METTL15: variants seen among roughly 807,000 people sequenced by gnomAD.
METTL15 encodes 12S rRNA N(4)-cytidine methyltransferase METTL15.
A neutral mutation model predicts 38.3 loss-of-function variants in METTL15; 34 were observed. The observed-to-expected ratio is 0.89, with a 90% CI of 0.68 to 1.18. The LOEUF (loss-of-function observed/expected upper bound fraction) is 1.18, where lower values mean the gene tolerates loss of function less well. Ranked by LOEUF, METTL15 falls within the 50% of genes most tolerant of loss-of-function variation. The probability of loss-of-function intolerance (pLI) is 0.00; values close to 1 mark genes in which losing one functional copy is unlikely to be tolerated. For missense variants in METTL15, 438 were observed against 498.4 expected (o/e 0.88, Z 1.15); for synonymous variants, 162 against 170.9 (o/e 0.95, Z 0.41).
chr11:28,515,331 T>G (rs1425349031), intron 6 of METTL15, among the ~76,000 whole-genome samples: 1 of 152,198 alleles, frequency 6.6e-6, no homozygotes, highest in East Asian at 1.9e-4. Flanking sequence ...GCTAACTTAC[T>G]TAACAAATAA....
At chr11:28,208,549 A>G (rs967207949) in intron 3 of METTL15, among the ~76,000 whole-genome samples, 1 of 152,044 alleles carries the variant, frequency 6.6e-6, no homozygotes, top group Admixed American at 6.6e-5. Flanking sequence ...CAATTTTGGA[A>G]TAGGTGTGGT....
intron 5 of METTL15, among the ~76,000 whole-genome samples, chr11:28,380,168 C>CTTTT (rs34704753): frequency 4.8e-5 from 6 of 124,084 alleles, no homozygotes; most frequent in Admixed American, 9.0e-5. Context: ...CCACTTTATG[C>CTTTT]TTTTTTTTTT....
intron 3 of METTL15, among the ~76,000 whole-genome samples, chr11:28,201,517 T>G (rs1565161195): frequency 6.6e-6 from 1 of 151,678 alleles, no homozygotes; most frequent in Non-Finnish European, 1.5e-5. Context: ...GTCCTGGGCT[T>G]CTTTTGGTTG....
intron 5 of METTL15, among the ~76,000 whole-genome samples, chr11:28,407,276 CA>C (rs1463478485): frequency 1.3e-5 from 2 of 152,122 alleles, no homozygotes; most frequent in Non-Finnish European, 2.9e-5. Context: ...ATGAAAACGT[CA>C]AAAGTATTTG....
chr11:28,314,269 T>A (rs1857404360), intron 6 of METTL15, among the ~76,000 whole-genome samples: 1 of 152,228 alleles, frequency 6.6e-6, no homozygotes, highest in Non-Finnish European at 1.5e-5. Flanking sequence ...GAAGAACATT[T>A]GTAATACAGT....
At chr11:28,369,573 A>AGG (rs1850222712) in intron 5 of METTL15, among the ~76,000 whole-genome samples, 1 of 152,160 alleles carries the variant, frequency 6.6e-6, no homozygotes, top group Non-Finnish European at 1.5e-5. Context: ...GTCATATACA[A>AGG]GGATACTCCA....
chr11:28,361,121 C>T (rs544993872), intron 4 of METTL15, among the ~76,000 whole-genome samples: 41 of 151,096 alleles, frequency 2.7e-4, no homozygotes, highest in Non-Finnish European at 4.9e-4. Flanking sequence ...AATAAACATA[C>T]GTGTGCATGT....
intron 5 of METTL15, among the ~76,000 whole-genome samples, chr11:28,377,429 C>G (rs1445958488): frequency 2.6e-5 from 4 of 152,088 alleles, no homozygotes; most frequent in Non-Finnish European, 5.9e-5. Flanking sequence ...TTGCTGATAC[C>G]CTTTCTTCCA....
intron 6 of METTL15, among the ~76,000 whole-genome samples, chr11:28,467,141 C>T (rs1281206055): frequency 2.6e-5 from 4 of 152,060 alleles, no homozygotes; most frequent in African/African-American, 7.2e-5. Context: ...GGCATCTCAT[C>T]GAGGAGGCAC....
intron 6 of METTL15, among the ~76,000 whole-genome samples, chr11:28,482,972 C>T (rs570500486): frequency 2.6e-5 from 4 of 152,162 alleles, no homozygotes; most frequent in East Asian, 3.9e-4. Flanking sequence ...GGACACAATC[C>T]GGATCAGCCT....
chr11:28,118,609 T>A (rs1852074829), intron 3 of METTL15, among the ~76,000 whole-genome samples: 1 of 152,158 alleles, frequency 6.6e-6, no homozygotes, highest in African/African-American at 2.4e-5. Context: ...AAATTCTGCT[T>A]AGTTTAAGAT....
At chr11:28,308,390 C>T (rs953814848) in intron 6 of METTL15, among the ~76,000 whole-genome samples, 1 of 152,000 alleles carries the variant, frequency 6.6e-6, no homozygotes, top group African/African-American at 2.4e-5. Context: ...CTTGTATTTC[C>T]CACGTCTTTC....
At chr11:28,122,135 C>T (rs1852267599) in intron 3 of METTL15, 1 of 1,219,968 alleles carries the variant, frequency 8.2e-7, no homozygotes. Context: ...AGAAATTCCT[C>T]TTACAGAGTC....
chr11:28,292,807 T>C (rs368834933), intron 5 of METTL15, among the ~76,000 whole-genome samples: 10 of 152,210 alleles, frequency 6.6e-5, no homozygotes, highest in East Asian at 5.8e-4. Context: ...CTCTGATGGC[T>C]AGTGATGATG....
At chr11:28,241,552 AAAAG>A (rs1039141159) in intron 4 of METTL15, among the ~76,000 whole-genome samples, 2 of 152,006 alleles carry the variant, frequency 1.3e-5, no homozygotes, top group Non-Finnish European at 2.9e-5. Flanking sequence ...AAAAAAAAAA[AAAAG>A]AAAACCAGAG....
intron 4 of METTL15, among the ~76,000 whole-genome samples, chr11:28,288,937 A>G (rs747751065): frequency 9.2e-5 from 14 of 152,158 alleles, no homozygotes; most frequent in African/African-American, 1.7e-4. Context: ...CACCAATGGT[A>G]TATACAGGAG....
chr11:28,313,598 T>C (rs1857380278), intron 6 of METTL15, among the ~76,000 whole-genome samples: 1 of 152,072 alleles, frequency 6.6e-6, no homozygotes, highest in South Asian at 2.1e-4. Context: ...AACATAAATA[T>C]GCTATCGCAT....
intron 5 of METTL15, among the ~76,000 whole-genome samples, chr11:28,365,227 T>G (rs1362386276): frequency 1.3e-5 from 2 of 152,180 alleles, no homozygotes; most frequent in African/African-American, 4.8e-5. Flanking sequence ...TTTCCTTGAT[T>G]TTTTGGAATA....
intron 4 of METTL15, among the ~76,000 whole-genome samples, chr11:28,233,409 C>T (rs1272250764): frequency 6.6e-6 from 1 of 151,652 alleles, no homozygotes; most frequent in African/African-American, 2.4e-5. Context: ...AAACCATTAG[C>T]TTTTTTTGTT....
Sources: gnomAD v4.1 joint callset for allele counts (sites outside exome capture counted in the v4.1 genomes callset) on GRCh38, gnomAD v4.1.1 for gene constraint, MANE v1.5 for transcripts, NCBI Gene and HGNC (gene_info 2026-07-23, HGNC 2026-07-21) for gene names.